Variants in SEMA4B observed in about 807,000 individuals in gnomAD.
SEMA4B encodes semaphorin 4B.
SEMA4B carries 55 observed loss-of-function variants against 88.1 expected under a neutral mutation model. The observed-to-expected ratio is 0.62, with a 90% confidence interval of 0.50 to 0.78. The LOEUF is 0.78. SEMA4B is among the 30% of genes least tolerant of loss of function. SEMA4B has a pLI of 0.00. For synonymous variants in SEMA4B, 525 were observed against 473.6 expected (o/e 1.11, Z -1.41); for missense variants, 1,062 against 1,111.9 (o/e 0.96, Z 0.64).
At chr15:90,211,252 T>G (rs1382779859) in intron 1 of SEMA4B, among the ~76,000 whole-genome samples, 1 of 152,174 alleles carries the variant, frequency 6.6e-6, no homozygotes, top group African/African-American at 2.4e-5. Flanking sequence ...GCACAGGCCC[T>G]AGGTCGGGAC....
At chr15:90,222,970 AT>A (rs200324531) in intron 7 of SEMA4B, among the ~76,000 whole-genome samples, 4,752 of 131,984 alleles carry the variant, frequency 0.036, 253 homozygotes, top group African/African-American at 0.12. Flanking sequence ...ATATATATAC[AT>A]TTTTTTTTTT....
In SEMA4B at chr15:90,225,171, G is replaced by A. The variant is rs377037567; in HGVS notation, c.1398G>A (p.Leu466=). 4 of 1,600,124 alleles carry A rather than the reference G, an allele frequency of 2.5e-6. No homozygotes were observed. The highest frequency in any genetic ancestry group is 1.6e-4 in the Middle Eastern group (1 of 6,072). The stretch of plus-strand genomic sequence containing the variant: ...ACCACACCTACGATGTCCTCTTCCT[G>A]GGCACTGGTAAGTGTCTGCAGCCCA... ...GLHHTYDVLF[L]GTGDGRLHKA... The change falls in exon 10 of 14, where the codon CTG becomes CTA. Residue 466 remains leucine, a synonymous_variant. Transcript: ENST00000411539.
intron 1 of SEMA4B, among the ~76,000 whole-genome samples, chr15:90,203,688 G>A (rs1210223416): frequency 6.6e-6 from 1 of 152,204 alleles, no homozygotes; most frequent in Non-Finnish European, 1.5e-5. Flanking sequence ...CAGGGCTGCC[G>A]TAGGTGGGCT....
chr15:90,221,427 G>C lies in SEMA4B; in HGVS notation c.656G>C (p.Arg219Pro). The C allele has an allele frequency of 6.3e-7, 1 of 1,584,914 alleles. No homozygotes were observed. Among genetic ancestry groups the C allele is most frequent in the Non-Finnish European group, 8.6e-7 (1 of 1,166,322 alleles). ...CAAGGGAATGACCCGGCCATCTCGC[G>C]GAGCCAAAGCCTTCGCCCCACCAAG... is the stretch of plus-strand genomic sequence containing the variant. ...SFQGNDPAIS[R>P]SQSLRPTKTE... Residue 219 changes from arginine (R) to proline (P), a missense_variant, in exon 6 of 14, where the codon CGG becomes CCG. Transcript: ENST00000411539.
intron 1 of SEMA4B, chr15:90,185,091 G>T: frequency 2.0e-6 from 2 of 982,820 alleles, no homozygotes; most frequent in Non-Finnish European, 2.4e-6. Flanking sequence ...GGTAGGCGCG[G>T]GGGGTGCCTG....
intron 1 of SEMA4B, among the ~76,000 whole-genome samples, chr15:90,195,782 G>A (rs1450995066): frequency 1.4e-5 from 2 of 143,842 alleles, no homozygotes; most frequent in Admixed American, 1.4e-4. Context: ...GCTAATTTTT[G>A]TAATTTTTGT....
chr15:90,220,984 C>T lies in SEMA4B; in HGVS notation c.486C>T (p.Asn162=), dbSNP rs780159070. The change falls in exon 5 of 14, where the codon AAC becomes AAT. Residue 162 remains asparagine, a splice_region_variant and synonymous_variant. Coordinates refer to ENST00000411539, the MANE Select transcript of SEMA4B (RefSeq NM_198925.4). ...CCCATGTGTCCACCCTCCTGCAGAA[C>T]ATGGAGAACTTCACCCTGGCAAGGG... ...AAFSPMCTYI[N]MENFTLARDE... 2.5e-6 allele frequency: 4 copies of T among 1,601,924 alleles called. No homozygotes were observed. The highest frequency in any genetic ancestry group is 3.4e-6 in the Non-Finnish European group (4 of 1,173,160).
intron 1 of SEMA4B, among the ~76,000 whole-genome samples, chr15:90,209,667 T>C (rs1961164834): frequency 6.6e-6 from 1 of 152,006 alleles, no homozygotes; most frequent in Non-Finnish European, 1.5e-5. Flanking sequence ...CTACAAGACG[T>C]GTGAACAGGA....
rs1342545917 is a variant in SEMA4B at position 90,225,287 on chromosome 15, G to A, written c.1411G>A (p.Gly471Ser). Residue 471 changes from glycine (G) to serine (S), a missense_variant, in exon 11 of 14, where the codon GGC (glycine) becomes AGC (serine). Coordinates refer to ENST00000411539, the MANE Select transcript of SEMA4B (RefSeq NM_198925.4). ...YDVLFLGTGD[G>S]RLHKAVSVGP... ...GAGTCCTGTCCACACCCCAGGTGAC[G>A]GCCGGCTCCACAAGGCAGTGAGCGT... 32 of 1,556,734 alleles carry A rather than the reference G, an allele frequency of 2.1e-5. No individual in the cohort carries two copies. Among genetic ancestry groups the A allele is most frequent in the Admixed American group, 3.9e-5 (2 of 51,312 alleles).
In SEMA4B at chr15:90,228,831, A is replaced by C. The variant is rs908896060; in HGVS notation, c.*188A>C. 49 of 756,978 alleles carry C rather than the reference A, an allele frequency of 6.5e-5. No individual in the cohort carries two copies. Among genetic ancestry groups the C allele is most frequent in the Non-Finnish European group, 8.3e-5 (40 of 481,618 alleles). 46.9% of individuals were successfully genotyped at this position (756,978 alleles called of 1,614,324 possible). On this transcript the variant is annotated 3_prime_UTR_variant, in exon 14 of 14. Transcript: ENST00000411539. ...CGAAGCTCCTACCACCCAGACACCC[A>C]AACAGCCGTGGCCCCAGAGGTCCTG... is the stretch of plus-strand genomic sequence containing the variant.
intron 1 of SEMA4B, among the ~76,000 whole-genome samples, chr15:90,207,775 G>A (rs1233055054): frequency 6.6e-5 from 10 of 152,166 alleles, no homozygotes; most frequent in Admixed American, 6.5e-5. Context: ...GTCTCTGGAC[G>A]GGGCAGGGGA....
rs1168658331 is a variant in SEMA4B, at chr15:90,228,588, T to C, written c.2459T>C (p.Val820Ala). ...GACAGCTTCGTGGAGGTATCCCCAG[T>C]GTGCCCCCGGCCCCGGGTCCGCCTT... ...IQDSFVEVSP[V>A]CPRPRVRLGS... The change falls in exon 14 of 14, where the codon GTG (valine) becomes GCG (alanine). Residue 820 changes from valine to alanine, a missense_variant. By Grantham distance (64) the Val-to-Ala change is moderately conservative. Coordinates refer to ENST00000411539, the MANE Select transcript of SEMA4B (RefSeq NM_198925.4). 3 of 1,613,614 alleles carry C rather than the reference T, an allele frequency of 1.9e-6. No individual in the cohort carries two copies. Among genetic ancestry groups the C allele is most frequent in the Non-Finnish European group, 2.5e-6 (3 of 1,179,876 alleles).
At chr15:90,203,102 T>C (rs1354723727) in intron 1 of SEMA4B, among the ~76,000 whole-genome samples, 1 of 152,226 alleles carries the variant, frequency 6.6e-6, no homozygotes, top group Non-Finnish European at 1.5e-5. Context: ...TCAGCTCGTG[T>C]TTGAAAAGTC....
chr15:90,195,981 G>A (rs148224263), intron 1 of SEMA4B, among the ~76,000 whole-genome samples: 1,566 of 143,256 alleles, frequency 0.011, 20 homozygotes, highest in Non-Finnish European at 0.016. Context: ...GTGCAGTGGC[G>A]CGATCTCGGC....
At chr15:90,210,671 C>CCCAGAAAGGCCTCTAG (rs1961222044) in intron 1 of SEMA4B, among the ~76,000 whole-genome samples, 1 of 152,174 alleles carries the variant, frequency 6.6e-6, no homozygotes. Flanking sequence ...GGGCTAGAGG[C>CCCAGAAAGGCCTCTAG]CCAGAAGGCA....
At chr15:90,200,685 T>C (rs1426969390), upstream of SEMA4B, among the ~76,000 whole-genome samples, 1 of 152,186 alleles carries the variant, frequency 6.6e-6, no homozygotes, top group African/African-American at 2.4e-5. Context: ...GTGAAGGTTT[T>C]ACCTCCTCAG....
intron 7 of SEMA4B, 49 bp downstream of exon 7, chr15:90,221,814 T>C (rs1362020430): frequency 1.3e-6 from 2 of 1,584,728 alleles, no homozygotes; most frequent in Admixed American, 3.5e-5. Context: ...CCTCAAAGCC[T>C]CCACAGCTGC....
rs994732278 is a variant in SEMA4B, at chr15:90,214,944, G to A, written c.158-2495G>A. On this transcript the variant is annotated intron_variant, in intron 1 of 13. Transcript: ENST00000411539. ...CACCCTTTATGGAACCAGGCTGGGGGTATGTAAAAACACTCCACAGGTAAA... is the reference window on the plus strand; with the variant it reads ...CACCCTTTATGGAACCAGGCTGGGGATATGTAAAAACACTCCACAGGTAAA... 6.3e-6 allele frequency: 8 copies of A among 1,270,064 alleles called. No individual in the cohort carries two copies. The Admixed American group carries it at 1.2e-4, about 19-fold the overall frequency. The allele number at this position is 1,270,064 out of a possible 1,614,324, so 78.7% of individuals were successfully genotyped here.
At chr15:90,203,735 G>A (rs1252346983) in intron 1 of SEMA4B, among the ~76,000 whole-genome samples, 1 of 152,130 alleles carries the variant, frequency 6.6e-6, no homozygotes, top group Non-Finnish European at 1.5e-5. Flanking sequence ...CCCAGCTGAG[G>A]GTTGAGAGGA....
Sources: gnomAD v4.1 joint callset for allele counts (sites outside exome capture counted in the v4.1 genomes callset) on GRCh38, gnomAD v4.1.1 for gene constraint, MANE v1.5 for transcripts, NCBI Gene and HGNC (gene_info 2026-07-23, HGNC 2026-07-21) for gene names.